NFYC: variants seen among roughly 807,000 people sequenced by gnomAD.
NFYC encodes CAAT box DNA-binding protein subunit C.
In NFYC, 25 loss-of-function variants were observed where a neutral mutation model predicts 53.1. The observed-to-expected ratio is 0.47, with a 90% CI of 0.34 to 0.66. NFYC has a LOEUF of 0.66. NFYC is among the 30% of genes least tolerant of loss of function. The pLI is 0.01. For missense variants in NFYC, 260 were observed against 422.7 expected (o/e 0.62, Z 3.38); for synonymous variants, 145 against 152.6 (o/e 0.95, Z 0.37).
At chr1:40,757,040 C>T (rs1338849745) in intron 5 of NFYC, among the ~76,000 whole-genome samples, 1 of 152,244 alleles carries the variant, frequency 6.6e-6, no homozygotes, top group Non-Finnish European at 1.5e-5. Context: ...AGGCAATCCA[C>T]AGGGTCTGTG....
At chr1:40,745,162 G>T (rs1645544229) in intron 2 of NFYC, among the ~76,000 whole-genome samples, 1 of 152,180 alleles carries the variant, frequency 6.6e-6, no homozygotes, top group South Asian at 2.1e-4. Flanking sequence ...GATTAAAGAA[G>T]AGAAATTGAA....
At chr1:40,752,198 C>T (rs1645954198) in intron 4 of NFYC, among the ~76,000 whole-genome samples, 1 of 152,170 alleles carries the variant, frequency 6.6e-6, no homozygotes, top group Non-Finnish European at 1.5e-5. Flanking sequence ...AAACATTTTA[C>T]TATGCTTATT....
chr1:40,762,539 A>G (rs1646601765), intron 6 of NFYC, among the ~76,000 whole-genome samples: 1 of 152,178 alleles, frequency 6.6e-6, no homozygotes, highest in Non-Finnish European at 1.5e-5. Flanking sequence ...GCTATTTCTG[A>G]AGTAAACGGT....
chr1:40,750,041 TTC>T (rs1337822976), intron 4 of NFYC, among the ~76,000 whole-genome samples: 2 of 152,222 alleles, frequency 1.3e-5, no homozygotes, highest in Non-Finnish European at 2.9e-5. Context: ...CGTAATCAAC[TTC>T]TGGTTGGGAG....
chr1:40,752,526 A>C (rs1180911332), intron 4 of NFYC, among the ~76,000 whole-genome samples: 1 of 152,070 alleles, frequency 6.6e-6, no homozygotes, highest in Admixed American at 6.6e-5. Flanking sequence ...GTGTTCTCTT[A>C]CCTCTCTTGC....
intron 1 of NFYC, among the ~76,000 whole-genome samples, chr1:40,701,590 G>T (rs532838859): frequency 1.3e-5 from 2 of 152,234 alleles, no homozygotes; most frequent in African/African-American, 4.8e-5. Flanking sequence ...GTAAGCCCTG[G>T]GTTAGGTGCT....
rs752213739 is a variant in NFYC at position 40,758,244 on chromosome 1, A to G, written c.511A>G (p.Thr171Ala). The G allele has an allele frequency of 5.0e-6, 8 of 1,613,588 alleles. No homozygotes were observed. The highest frequency in any genetic ancestry group is 6.8e-6 in the Non-Finnish European group (8 of 1,180,010). The change falls in exon 6 of 10, where the codon ACC becomes GCC. Residue 171 changes from threonine (T) to alanine (A), a missense_variant. By Grantham distance (58) the Thr-to-Ala change is moderately conservative. Transcript: ENST00000447388. ...QQGQQTTSSTTTIQPGQIIIA... is the reference protein window; with the variant it reads ...QQGQQTTSSTATIQPGQIIIA... Reference sequence around the variant, plus strand: ...AGGCCAGCAGACCACCAGCTCCACGACCACCATCCAGCCTGGGCAGATCAT... The same window carrying G: ...AGGCCAGCAGACCACCAGCTCCACGGCCACCATCCAGCCTGGGCAGATCAT...
intron 1 of NFYC, among the ~76,000 whole-genome samples, chr1:40,737,017 C>T (rs1273002629): frequency 6.6e-6 from 1 of 150,434 alleles, no homozygotes; most frequent in Non-Finnish European, 1.5e-5. Flanking sequence ...ATCCCAGCTA[C>T]TCAGGAGGCT....
At chr1:40,758,512 G>T in intron 6 of NFYC, 2 of 504,868 alleles carry the variant, frequency 4.0e-6, no homozygotes, top group South Asian at 6.7e-5. Context: ...TGAGGAAAGT[G>T]TACTAGACAG....
intron 1 of NFYC, among the ~76,000 whole-genome samples, chr1:40,710,616 A>T (rs938316514): frequency 2.6e-5 from 4 of 152,184 alleles, no homozygotes; most frequent in African/African-American, 9.7e-5. Context: ...CAGCAGACTC[A>T]GTGTGGAGCC....
chr1:40,740,197 C>T (rs944777026), intron 2 of NFYC, among the ~76,000 whole-genome samples: 1 of 152,166 alleles, frequency 6.6e-6, no homozygotes, highest in African/African-American at 2.4e-5. Flanking sequence ...TGGATTCCTT[C>T]CTGATGTAGA....
intron 1 of NFYC, chr1:40,721,559 G>GT (rs766976655): frequency 1.5e-5 from 2 of 136,922 alleles, no homozygotes; most frequent in Non-Finnish European, 3.4e-5. Flanking sequence ...GTGGTTGTGG[G>GT]TTTTTTTGGG....
chr1:40,744,087 G>A (rs1194634841), intron 2 of NFYC, among the ~76,000 whole-genome samples: 1 of 152,190 alleles, frequency 6.6e-6, no homozygotes, highest in Non-Finnish European at 1.5e-5. Flanking sequence ...TGCACAGCAG[G>A]AGGTGAGCAG....
intron 1 of NFYC, among the ~76,000 whole-genome samples, chr1:40,695,163 C>T (rs1181033562): frequency 2.6e-5 from 4 of 152,028 alleles, no homozygotes; most frequent in South Asian, 2.1e-4. Flanking sequence ...TGCTGGAACC[C>T]GGGAGGTAGA....
intron 1 of NFYC, among the ~76,000 whole-genome samples, chr1:40,720,151 T>G (rs1192259729): frequency 6.6e-6 from 1 of 152,226 alleles, no homozygotes; most frequent in African/African-American, 2.4e-5. Flanking sequence ...CCTTTCTTTC[T>G]TCTCCTCTTT....
At chr1:40,722,260 A>C (rs867655098) in intron 1 of NFYC, among the ~76,000 whole-genome samples, 1 of 152,146 alleles carries the variant, frequency 6.6e-6, no homozygotes, top group Non-Finnish European at 1.5e-5. Context: ...ATAGCTATTG[A>C]TCATTGACAC....
intron 2 of NFYC, among the ~76,000 whole-genome samples, chr1:40,739,379 G>A (rs1645219956): frequency 6.6e-6 from 1 of 152,130 alleles, no homozygotes; most frequent in Non-Finnish European, 1.5e-5. Flanking sequence ...ACTCTTTCTA[G>A]GTGTTAAAAA....
chr1:40,704,057 G>A (rs1340341856), intron 1 of NFYC, among the ~76,000 whole-genome samples: 1 of 150,402 alleles, frequency 6.6e-6, no homozygotes, highest in Non-Finnish European at 1.5e-5. Flanking sequence ...AGAGTTACTG[G>A]TTTTGTCTCA....
intron 1 of NFYC, among the ~76,000 whole-genome samples, chr1:40,698,195 T>C (rs534478610): frequency 2.6e-5 from 4 of 152,034 alleles, no homozygotes; most frequent in African/African-American, 7.2e-5. Context: ...AAACTCCGTT[T>C]CTACTAAAAA....
Sources: gnomAD v4.1 joint callset for allele counts (sites outside exome capture counted in the v4.1 genomes callset) on GRCh38, gnomAD v4.1.1 for gene constraint, MANE v1.5 for transcripts, NCBI Gene and HGNC (gene_info 2026-07-23, HGNC 2026-07-21) for gene names.